The following TRIP4 variants were observed in gnomAD, a reference collection of about 807,000 sequenced individuals.
The protein encoded by TRIP4 is thyroid hormone receptor interactor 4, also known as activating signal cointegrator 1.
In TRIP4, 54 loss-of-function variants were observed where a neutral mutation model predicts 81.8. That is an observed-to-expected ratio of 0.66 (90% CI 0.53 to 0.83). The LOEUF is 0.83. Among genes scored for constraint, TRIP4 ranks in the 40% least tolerant of loss-of-function variants. The pLI, the probability that TRIP4 is intolerant of heterozygous loss-of-function variation, is 0.00. For synonymous variants in TRIP4, 270 were observed against 242.8 expected, an observed-to-expected ratio of 1.11 and a Z score of -1.04; for missense variants, 662 against 683.6, an observed-to-expected ratio of 0.97 and a Z score of 0.35.
rs1289009937 is a variant in TRIP4, at chr15:64,445,666, T to TCAAA, written c.1678+559_1678+562dup. Among the ~76,000 whole-genome samples, 42 of 22,890 alleles carry TCAAA rather than the reference T, an allele frequency of 1.8e-3. 1 individual carries two copies. The highest frequency in any genetic ancestry group is 3.3e-3 in the African/African-American group (39 of 11,748). 15.0% of individuals were successfully genotyped at this position (22,890 alleles called of 152,430 possible). On this transcript the variant is annotated intron_variant, in intron 12 of 12. Coordinates refer to ENST00000261884, the MANE Select transcript of TRIP4 (RefSeq NM_016213.5). ...CCTGGTAACAGAGCGACACTCAGTC[T>TCAAA]CAAAAAAAAAAAAAAAAAAAAAAAA...
At position 64,387,950 on chromosome 15, in the gene TRIP4, CGAG is replaced by C. The variant is rs1899996850; in HGVS notation, c.91_93del (p.Glu31del). On this transcript the variant is annotated inframe_deletion, in exon 1 of 13. Transcript: ENST00000261884. ...GGAAGACTTTCGGCCTGGATGTCAGCGAGGAGATCATTCAGTGAGAACAGTTCG... is the reference window on the plus strand; with the variant it reads ...GGAAGACTTTCGGCCTGGATGTCAGCGAGATCATTCAGTGAGAACAGTTCG... 1.3e-6 allele frequency: 2 copies of C among 1,550,498 alleles called. No homozygotes were observed. Among genetic ancestry groups the C allele is most frequent in the African/African-American group, 1.4e-5 (1 of 73,014 alleles).
chr15:64,391,489 T>C (rs918710229), intron 1 of TRIP4, among the ~76,000 whole-genome samples: 1 of 152,034 alleles, frequency 6.6e-6, no homozygotes, highest in African/African-American at 2.4e-5. Context: ...TTATAAGACA[T>C]AAATAGCTAT....
At chr15:64,390,909 A>G (rs577147578) in intron 1 of TRIP4, among the ~76,000 whole-genome samples, 54 of 152,096 alleles carry the variant, frequency 3.6e-4, no homozygotes, top group Non-Finnish European at 7.4e-4. Flanking sequence ...AAAAAAAAAA[A>G]TTATATTCCG....
chr15:64,420,974 T>C (rs905339926), intron 9 of TRIP4, among the ~76,000 whole-genome samples: 2 of 152,118 alleles, frequency 1.3e-5, no homozygotes, highest in African/African-American at 4.8e-5. Context: ...ATAACGACTT[T>C]TCAATCAGCA....
chr15:64,441,644 G>A (rs183157968), intron 11 of TRIP4, among the ~76,000 whole-genome samples: 52 of 152,134 alleles, frequency 3.4e-4, no homozygotes, highest in African/African-American at 1.3e-3. Context: ...ATAGTGCCGG[G>A]CACTTGTAGT....
chr15:64,420,209 C>T lies in TRIP4; in HGVS notation c.1358+1481C>T, dbSNP rs142278558. Among the ~76,000 whole-genome samples the T allele has an allele frequency of 3.0e-3, 456 of 151,732 alleles. 3 individuals are homozygous for T. The highest frequency in any genetic ancestry group is 0.021 in the Middle Eastern group (6 of 292). ...CGTTATCAGCTCACTGCAACCTCCA[C>T]CTCCCGGGTTCAAGCCATTCTCCTG... On this transcript the variant is annotated intron_variant, in intron 9 of 12. Transcript: ENST00000261884.
At chr15:64,425,297 G>T (rs1892116738) in intron 10 of TRIP4, among the ~76,000 whole-genome samples, 1 of 152,058 alleles carries the variant, frequency 6.6e-6, no homozygotes, top group Admixed American at 6.6e-5. Context: ...AACTTTGATG[G>T]TATGAGGGCA....
Position 64,403,760 on chromosome 15 carries a change from T to G in TRIP4, c.698-2570T>G, listed in dbSNP as rs1052741652. On this transcript the variant is annotated intron_variant, in intron 5 of 12. Transcript: ENST00000261884. The stretch of plus-strand genomic sequence containing the variant: ...TGGATATTTGTTTCCAAATTTTAAA[T>G]AATATTACAAATTGTCACCTTTATT... 2.6e-5 allele frequency among the ~76,000 whole-genome samples: 4 copies of G among 152,226 alleles called. No homozygotes were observed. The South Asian group carries it at 8.3e-4, about 31-fold the overall frequency.
chr15:64,393,370 G>T (rs568021301), intron 1 of TRIP4: 2 of 151,186 alleles, frequency 1.3e-5, no homozygotes, highest in African/African-American at 4.8e-5. Context: ...TGTTAGCCAG[G>T]ATGGTCTCGA....
chr15:64,393,846 A>G, intron 1 of TRIP4, 100 bp from the exon 2 acceptor site: 2 of 1,186,326 alleles, frequency 1.7e-6, no homozygotes, highest in Non-Finnish European at 2.3e-6. Context: ...ACACTCTAAT[A>G]GATTAATGAA....
chr15:64,449,762 A>G (rs1892712908), intron 12 of TRIP4, among the ~76,000 whole-genome samples: 1 of 152,162 alleles, frequency 6.6e-6, no homozygotes, highest in Non-Finnish European at 1.5e-5. Flanking sequence ...TGTCTGCTTT[A>G]TATAGGTTGA....
chr15:64,436,898 G>A (rs1264873187), intron 11 of TRIP4, among the ~76,000 whole-genome samples: 1 of 149,128 alleles, frequency 6.7e-6, no homozygotes, highest in African/African-American at 2.5e-5. Context: ...TAGTAGAGAC[G>A]GGGTTGCACC....
chr15:64,404,203 T>A (rs1043411991), intron 5 of TRIP4, among the ~76,000 whole-genome samples: 7 of 151,898 alleles, frequency 4.6e-5, no homozygotes, highest in Non-Finnish European at 1.0e-4. Flanking sequence ...AAAAAAAAAA[T>A]CATATTAATC....
chr15:64,419,138 T>C (rs1891951940), intron 9 of TRIP4, among the ~76,000 whole-genome samples: 1 of 152,206 alleles, frequency 6.6e-6, no homozygotes, highest in Non-Finnish European at 1.5e-5. Flanking sequence ...GCCTATTTAC[T>C]TATTAAGATA....
intron 5 of TRIP4, 132 bp downstream of exon 5, chr15:64,400,953 T>TC (rs1310725342): frequency 6.9e-6 from 5 of 727,726 alleles, no homozygotes; most frequent in Non-Finnish European, 1.1e-5. Flanking sequence ...TTGGGGGGTT[T>TC]TTTTTGTTTT....
chr15:64,437,246 C>T (rs570576406), intron 11 of TRIP4, among the ~76,000 whole-genome samples: 30 of 116,618 alleles, frequency 2.6e-4, no homozygotes, highest in Admixed American at 1.4e-3. Context: ...TGGTGAAACC[C>T]TGTGTCTACT....
chr15:64,414,487 T>A (rs1025395664), intron 8 of TRIP4, among the ~76,000 whole-genome samples: 1 of 150,932 alleles, frequency 6.6e-6, no homozygotes, highest in Non-Finnish European at 1.5e-5. Flanking sequence ...AGAAATTCCA[T>A]GGTTCTTTTG....
At chr15:64,426,040 GCCACTGCAC>G (rs776103450) in intron 11 of TRIP4, among the ~76,000 whole-genome samples, 16 of 152,078 alleles carry the variant, frequency 1.1e-4, no homozygotes, top group Admixed American at 3.3e-4. Flanking sequence ...CTGAGGTCCT[GCCACTGCAC>G]TCCAGCCTGG....
In TRIP4 at chr15:64,445,093, G is replaced by C. The variant is rs1402827135; in HGVS notation, c.1663G>C (p.Gly555Arg). 6.3e-7 allele frequency: 1 copy of C among 1,594,706 alleles called. No homozygotes were observed. Among genetic ancestry groups the C allele is most frequent in the Non-Finnish European group, 8.6e-7 (1 of 1,167,870 alleles). Residue 555 changes from glycine to arginine, a missense_variant, in exon 12 of 13, where the codon GGA (glycine) becomes CGA (arginine). Transcript: ENST00000261884. ...QEMVVKFPIK[G>R]NPKIWKLDSK... The stretch of plus-strand genomic sequence containing the variant: ...AATGGTTGTGAAGTTTCCTATTAAA[G>C]GAAATCCAAAAATCTGTAAGTCATG...
Sources: gnomAD v4.1 joint callset for allele counts (sites outside exome capture counted in the v4.1 genomes callset) on GRCh38, gnomAD v4.1.1 for gene constraint, MANE v1.5 for transcripts, NCBI Gene and HGNC (gene_info 2026-07-23, HGNC 2026-07-21) for gene names.